The following BRD4 variants were observed in gnomAD, a reference collection of about 807,000 sequenced individuals.
BRD4 encodes the protein bromodomain-containing protein 4.
A neutral mutation model predicts 142.1 loss-of-function variants in BRD4; 16 were observed. That is an observed-to-expected ratio of 0.11 (90% confidence interval 0.08 to 0.17). BRD4 has a LOEUF of 0.17. BRD4 is among the 10% of genes least tolerant of loss of function. BRD4 has a pLI of 1.00. For synonymous variants in BRD4, 833 were observed against 707.5 expected, an observed-to-expected ratio of 1.18 and a Z score of -2.82; for missense variants, 1,424 against 1,810.9, an observed-to-expected ratio of 0.79 and a Z score of 3.88.
At chr19:15,303,392 T>C (rs967986977) in intron 1 of BRD4, among the ~76,000 whole-genome samples, 1 of 152,072 alleles carries the variant, frequency 6.6e-6, no homozygotes, top group Admixed American at 6.6e-5. Flanking sequence ...TAAAACTATT[T>C]GCCTATGCGG....
chr19:15,331,165 A>G (rs560478423), intron 1 of BRD4, among the ~76,000 whole-genome samples: 15 of 152,292 alleles, frequency 9.8e-5, no homozygotes, highest in African/African-American at 3.4e-4. Flanking sequence ...AAATCTTAAA[A>G]AAACAAAGCG....
At chr19:15,291,132 T>A (rs2047779215) in intron 1 of BRD4, among the ~76,000 whole-genome samples, 1 of 152,138 alleles carries the variant, frequency 6.6e-6, no homozygotes, top group African/African-American at 2.4e-5. Flanking sequence ...CTGGGCCTGC[T>A]CCTGACTTGT....
intron 3 of BRD4, 127 bp downstream of exon 3, chr19:15,268,778 C>T: frequency 2.0e-6 from 2 of 1,020,338 alleles, no homozygotes; most frequent in East Asian, 2.5e-5. Flanking sequence ...CTCCAAGGGT[C>T]TCCTCTTGCC....
In BRD4 at chr19:15,238,614, G is replaced by A; in HGVS notation, c.4020+129C>T. On this transcript the variant is annotated intron_variant, in intron 19 of 19. Transcript: ENST00000679869. This position sits in a 1 kb window ranked among gnomAD's most constrained non-coding sequence, Gnocchi z 7.2. ...CAGGGCCCTACAGCTGAGTCCAGAG[G>A]ACCACATGCCGACCAGCAGGGACGG... 1 of 1,465,086 alleles carries A rather than the reference G, an allele frequency of 6.8e-7. No homozygotes were observed. Among genetic ancestry groups the A allele is most frequent in the Admixed American group, 2.6e-5 (1 of 38,108 alleles). 90.8% of individuals were successfully genotyped at this position (1,465,086 alleles called of 1,614,324 possible). A position where few individuals can be genotyped will look rare whatever the true frequency, so the allele number is the denominator to read the frequency against.
chr19:15,284,006 T>A (rs571144675), intron 1 of BRD4, among the ~76,000 whole-genome samples: 2 of 152,140 alleles, frequency 1.3e-5, no homozygotes, highest in East Asian at 3.9e-4. Flanking sequence ...GACACATGCA[T>A]GAAAGGCAAT....
At chr19:15,297,906 T>G (rs2047837162) in intron 1 of BRD4, among the ~76,000 whole-genome samples, 1 of 152,182 alleles carries the variant, frequency 6.6e-6, no homozygotes, top group Admixed American at 6.5e-5. Context: ...CCTACATGTG[T>G]GCCCATCCAC....
rs968035788 is a variant in BRD4, at chr19:15,238,572, C to G, written c.4021-127G>C. The G allele has an allele frequency of 9.1e-6, 14 of 1,530,840 alleles. No homozygotes were observed. The African/African-American group carries it at 1.7e-4, about 18-fold the overall frequency. The allele number at this position is 1,530,840 out of a possible 1,614,324, so 94.8% of individuals were successfully genotyped here. ...GTGGCTGACCCCTCATAGCGCTCAC[C>G]CCGTCCACACAGCACTCAGGGCCCT... On this transcript the variant is annotated intron_variant, in intron 19 of 19. Coordinates refer to ENST00000679869, the MANE Select transcript of BRD4 (RefSeq NM_001379291.1). The surrounding 1 kb of genome is among the most constrained non-coding windows in gnomAD (Gnocchi z 7.2).
chr19:15,288,135 A>G (rs560125489), intron 1 of BRD4, among the ~76,000 whole-genome samples: 1 of 152,324 alleles, frequency 6.6e-6, no homozygotes, highest in South Asian at 2.1e-4. Context: ...CCATCAATGG[A>G]CACAGGTTGC....
intron 1 of BRD4, among the ~76,000 whole-genome samples, chr19:15,276,666 C>T (rs1354063377): frequency 6.6e-6 from 1 of 152,190 alleles, no homozygotes; most frequent in Non-Finnish European, 1.5e-5. Context: ...CCCACATTGT[C>T]ATCCTGGGGC....
intron 1 of BRD4, among the ~76,000 whole-genome samples, chr19:15,313,266 G>C (rs189466034): frequency 7.3e-5 from 11 of 150,646 alleles, no homozygotes; most frequent in Non-Finnish European, 1.5e-4. Context: ...CCAGCTACTT[G>C]GGAGGCCGAG....
rs1368416672 is a variant in BRD4 at position 15,260,125 on chromosome 19, C to G, written c.1342-2952G>C. On this transcript the variant is annotated intron_variant, in intron 7 of 19. Transcript: ENST00000679869. ...TCCTCTGGAGGTCTGGGTCTGAGGT[C>G]ATGCTTCTCAGTTTCAGCACACCTC... Among the ~76,000 whole-genome samples, 4 of 152,230 alleles carry G rather than the reference C, an allele frequency of 2.6e-5. No homozygotes were observed. In the East Asian group the frequency reaches 7.7e-4, roughly 29 times the overall value.
Position 15,254,237 on chromosome 19 carries a change from G to C in BRD4, c.2073C>G (p.Gly691=), listed in dbSNP as rs752197534. 2 of 1,614,224 alleles carry C rather than the reference G, an allele frequency of 1.2e-6. No homozygotes were observed. The highest frequency in any genetic ancestry group is 3.3e-5 in the Admixed American group (2 of 60,026). The part of the protein sequence containing the change: ...PQAEKVDVIA[G]SSKMKGFSSS... ...ACGAGAAGCCCTTCATCTTGGAGGA[G>C]CCGGCAATCACATCAACTTTCTCAG... Residue 691 remains glycine, a synonymous_variant, in exon 11 of 20, where the codon GGC becomes GGG. Transcript: ENST00000679869.
At chr19:15,324,724 G>A (rs1056975093) in intron 1 of BRD4, among the ~76,000 whole-genome samples, 1 of 152,224 alleles carries the variant, frequency 6.6e-6, no homozygotes, top group South Asian at 2.1e-4. Context: ...GTTTTCATAA[G>A]ATGGGTAAGT....
At chr19:15,313,570 G>A (rs2047992026) in intron 1 of BRD4, among the ~76,000 whole-genome samples, 1 of 151,864 alleles carries the variant, frequency 6.6e-6, no homozygotes. Context: ...CAGCTGCTCA[G>A]GAGGCTGAGG....
Position 15,277,197 on chromosome 19 carries a change from A to G in BRD4, c.-34-4064T>C, listed in dbSNP as rs1196769949. 3.3e-5 allele frequency among the ~76,000 whole-genome samples: 5 copies of G among 152,202 alleles called. No individual in the cohort carries two copies. In the East Asian group the frequency reaches 5.8e-4, roughly 18 times the overall value. On this transcript the variant is annotated intron_variant, in intron 1 of 19. Coordinates refer to ENST00000679869, the MANE Select transcript of BRD4 (RefSeq NM_001379291.1). ...AAGGAAAAGGAAAAGAATTTCGCTT[A>G]TTGTTTCCAATCCAAAGGCGGCTAC...
chr19:15,316,411 GA>G (rs2048018760), intron 1 of BRD4, among the ~76,000 whole-genome samples: 1 of 151,866 alleles, frequency 6.6e-6, no homozygotes, highest in Non-Finnish European at 1.5e-5. Flanking sequence ...CCAACGTGGT[GA>G]AACCCTGTCT....
intron 11 of BRD4, 24 bp downstream of exon 11, chr19:15,254,126 GAC>G (rs1317912725): frequency 6.3e-7 from 1 of 1,589,274 alleles, no homozygotes; most frequent in Non-Finnish European, 8.6e-7. Flanking sequence ...AGTTTGGTAA[GAC>G]ACGTAGAACA....
chr19:15,281,584 T>G (rs1448520908), intron 1 of BRD4, among the ~76,000 whole-genome samples: 3 of 152,220 alleles, frequency 2.0e-5, no homozygotes, highest in Non-Finnish European at 4.4e-5. Context: ...GTGGCTCAGG[T>G]ACAGTGAAAG....
At chr19:15,292,094 A>G (rs932944717) in intron 1 of BRD4, among the ~76,000 whole-genome samples, 1 of 152,232 alleles carries the variant, frequency 6.6e-6, no homozygotes, top group Non-Finnish European at 1.5e-5. Context: ...CAGCTAATCA[A>G]AGCCACATTT....
Sources: allele counts gnomAD v4.1 joint callset (sites outside exome capture counted in the v4.1 genomes callset), GRCh38; gene constraint gnomAD v4.1.1; non-coding constraint Gnocchi (gnomAD v3.1); transcripts MANE v1.5; gene names NCBI Gene and HGNC (gene_info 2026-07-23, HGNC 2026-07-21).